MICU1: variants seen among roughly 807,000 people sequenced by gnomAD.
MICU1 encodes calcium uptake protein 1, mitochondrial.
A neutral mutation model predicts 56.8 loss-of-function variants in MICU1; 45 were observed. That is an observed-to-expected ratio of 0.79 (90% confidence interval 0.62 to 1.02). The LOEUF is 1.02. Among genes scored for constraint, MICU1 ranks in the 50% least tolerant of loss-of-function variants. The probability of loss-of-function intolerance (pLI) is 0.00; values close to 1 mark genes in which losing one functional copy is unlikely to be tolerated. For synonymous variants in MICU1, 186 were observed against 195.1 expected, an observed-to-expected ratio of 0.95 and a Z score of 0.39; for missense variants, 504 against 587.1, an observed-to-expected ratio of 0.86 and a Z score of 1.46.
At chr10:72,511,804 G>A (rs1157813817) in intron 5 of MICU1, among the ~76,000 whole-genome samples, 9 of 152,224 alleles carry the variant, frequency 5.9e-5, no homozygotes, top group African/African-American at 2.2e-4. Context: ...TTCTGAAGTC[G>A]AATTTCTGAT....
intron 10 of MICU1, among the ~76,000 whole-genome samples, chr10:72,393,294 G>A (rs1863139444): frequency 6.6e-6 from 1 of 152,114 alleles, no homozygotes; most frequent in South Asian, 2.1e-4. Flanking sequence ...AAATATCAGG[G>A]AGTGATAAAT....
chr10:72,515,788 G>A (rs913807126), intron 5 of MICU1, among the ~76,000 whole-genome samples: 6 of 152,174 alleles, frequency 3.9e-5, no homozygotes, highest in South Asian at 2.1e-4. Flanking sequence ...TATAATAGAC[G>A]TCTTTATCAA....
chr10:72,508,102 T>A, intron 6 of MICU1, 53 bp downstream of exon 6: 1 of 829,706 alleles, frequency 1.2e-6, no homozygotes, highest in Middle Eastern at 2.5e-4. Context: ...AACAATTATG[T>A]TTATAGTCCT....
intron 8 of MICU1, among the ~76,000 whole-genome samples, chr10:72,429,411 T>C (rs1188234234): frequency 8.6e-6 from 1 of 116,912 alleles, no homozygotes; most frequent in African/African-American, 3.6e-5. Flanking sequence ...CAGAGCGAGA[T>C]CCTGCCTCAA....
chr10:72,402,136 T>C (rs549544377), intron 10 of MICU1, among the ~76,000 whole-genome samples: 11 of 141,770 alleles, frequency 7.8e-5, no homozygotes, highest in Admixed American at 2.2e-4. Flanking sequence ...ATGCTTCCAT[T>C]GGAAGATTTC....
At chr10:72,584,479 T>C (rs1840990449) in intron 1 of MICU1, among the ~76,000 whole-genome samples, 3 of 152,308 alleles carry the variant, frequency 2.0e-5, no homozygotes, top group Middle Eastern at 3.4e-3. Context: ...TATGTAAAAT[T>C]TCCATAAAAT....
chr10:72,499,403 G>C (rs749172487), intron 6 of MICU1, among the ~76,000 whole-genome samples: 1 of 152,090 alleles, frequency 6.6e-6, no homozygotes, highest in Non-Finnish European at 1.5e-5. Context: ...GACAGAAGCT[G>C]CATTATCATA....
chr10:72,524,861 A>T (rs1320183999), intron 5 of MICU1: 2 of 601,524 alleles, frequency 3.3e-6, no homozygotes, highest in African/African-American at 1.9e-5. Flanking sequence ...AAAACCTGTA[A>T]TAATATCACT....
In MICU1 at chr10:72,599,405, A is replaced by G. The variant is rs571925006; in HGVS notation, c.-2+26605T>C. Among the ~76,000 whole-genome samples, 7 of 152,324 alleles carry G rather than the reference A, an allele frequency of 4.6e-5. No individual in the cohort carries two copies. The East Asian group carries it at 1.3e-3, about 29-fold the overall frequency. The stretch of plus-strand genomic sequence containing the variant: ...AAGTTTTACATCAGGCGCTGTTCTG[A>G]GTAGCAAGATGAAACCCTGAACCAT... On this transcript the variant is annotated intron_variant, in intron 1 of 11. Transcript: ENST00000361114.
intron 6 of MICU1, among the ~76,000 whole-genome samples, chr10:72,494,582 C>T (rs187543652): frequency 1.3e-4 from 19 of 151,724 alleles, no homozygotes; most frequent in African/African-American, 4.4e-4. Context: ...GCTCTTTATT[C>T]GTTATCAGTG....
intron 6 of MICU1, 131 bp downstream of exon 6, chr10:72,508,023 AT>A: frequency 2.1e-6 from 1 of 484,144 alleles, no homozygotes; most frequent in Non-Finnish European, 3.4e-6. Context: ...AGCAAATGAA[AT>A]TTTATGTAAC....
chr10:72,399,414 C>T (rs532212334), intron 10 of MICU1, among the ~76,000 whole-genome samples: 1 of 152,160 alleles, frequency 6.6e-6, no homozygotes, highest in East Asian at 1.9e-4. Context: ...ATACCTATGT[C>T]TCAAACCTGC....
At chr10:72,552,263 T>C (rs143683403) in intron 3 of MICU1, among the ~76,000 whole-genome samples, 2 of 152,326 alleles carry the variant, frequency 1.3e-5, no homozygotes, top group African/African-American at 4.8e-5. Flanking sequence ...GGCATATATT[T>C]AACTAAAAGG....
chr10:72,388,428 T>TA (rs1203236782), intron 10 of MICU1, among the ~76,000 whole-genome samples: 5 of 152,154 alleles, frequency 3.3e-5, no homozygotes, highest in African/African-American at 4.8e-5. Context: ...GTTCCAAAGG[T>TA]AAAGATCACA....
intron 8 of MICU1, among the ~76,000 whole-genome samples, chr10:72,460,923 T>A (rs1284963571): frequency 6.6e-6 from 1 of 152,042 alleles, no homozygotes; most frequent in Non-Finnish European, 1.5e-5. Context: ...TGTCCCTAAG[T>A]TCCAAAAACC....
At chr10:72,575,207 A>C (rs1840709638) in intron 1 of MICU1, among the ~76,000 whole-genome samples, 1 of 152,060 alleles carries the variant, frequency 6.6e-6, no homozygotes, top group South Asian at 2.1e-4. Context: ...CTTTTTGGAA[A>C]CACTCATCTC....
At chr10:72,600,619 A>AGCCT (rs1841501927) in intron 1 of MICU1, among the ~76,000 whole-genome samples, 1 of 145,914 alleles carries the variant, frequency 6.9e-6, no homozygotes, top group Non-Finnish European at 1.5e-5. Flanking sequence ...ATTGCACTCC[A>AGCCT]GCCTGGGTGA....
At chr10:72,386,437 C>G (rs1396841102) in intron 10 of MICU1, among the ~76,000 whole-genome samples, 1 of 152,168 alleles carries the variant, frequency 6.6e-6, no homozygotes, top group East Asian at 1.9e-4. Flanking sequence ...CTGCTTTAGC[C>G]TCCTAAAGTG....
chr10:72,418,791 T>C (rs1054838635), intron 9 of MICU1, among the ~76,000 whole-genome samples: 2 of 152,208 alleles, frequency 1.3e-5, no homozygotes, highest in Middle Eastern at 3.2e-3. Flanking sequence ...TCCCCTTTTA[T>C]AGGAAATGGT....
Sources: allele counts gnomAD v4.1 joint callset (sites outside exome capture counted in the v4.1 genomes callset), GRCh38; gene constraint gnomAD v4.1.1; transcripts MANE v1.5; gene names NCBI Gene and HGNC (gene_info 2026-07-23, HGNC 2026-07-21).